Variants in PPP1R13B observed in about 807,000 individuals in gnomAD.
PPP1R13B encodes the protein apoptosis-stimulating of p53 protein 1.
A neutral mutation model predicts 119.8 loss-of-function variants in PPP1R13B; 44 were observed. The ratio of observed to expected loss-of-function variants is 0.37; its 90% CI spans 0.29 to 0.47. The LOEUF (loss-of-function observed/expected upper bound fraction) is 0.47. PPP1R13B is among the 20% of genes least tolerant of loss of function. The pLI, the probability that PPP1R13B is intolerant of heterozygous loss-of-function variation, is 0.99. For synonymous variants in PPP1R13B, 542 were observed against 561.5 expected, an observed-to-expected ratio of 0.97 and a Z score of 0.49; for missense variants, 1,227 against 1,413.5, an observed-to-expected ratio of 0.87 and a Z score of 2.12.
At chr14:103,792,469 C>G (rs574489331) in intron 2 of PPP1R13B, among the ~76,000 whole-genome samples, 1 of 152,238 alleles carries the variant, frequency 6.6e-6, no homozygotes, top group Non-Finnish European at 1.5e-5. Flanking sequence ...GCTACTGCAC[C>G]TGGCAAAATT....
chr14:103,826,439 G>A (rs2152073417), intron 1 of PPP1R13B, among the ~76,000 whole-genome samples: 1 of 152,170 alleles, frequency 6.6e-6, no homozygotes, highest in East Asian at 1.9e-4. Flanking sequence ...ACATAAAGAG[G>A]TCTACTCAGG....
chr14:103,829,199 A>G (rs2086614697), intron 1 of PPP1R13B, among the ~76,000 whole-genome samples: 1 of 152,160 alleles, frequency 6.6e-6, no homozygotes, highest in Admixed American at 6.6e-5. Flanking sequence ...ATAAATCTAA[A>G]TCCTTTATTT....
At chr14:103,762,298 A>G (rs1477785116) in intron 4 of PPP1R13B, among the ~76,000 whole-genome samples, 1 of 152,204 alleles carries the variant, frequency 6.6e-6, no homozygotes, top group Non-Finnish European at 1.5e-5. Flanking sequence ...GTTAATAGAA[A>G]AGACTAGTGG....
intron 9 of PPP1R13B, among the ~76,000 whole-genome samples, chr14:103,744,916 T>TG (rs1342052171): frequency 6.6e-6 from 1 of 152,160 alleles, no homozygotes; most frequent in Non-Finnish European, 1.5e-5. Context: ...TGCAACCCCT[T>TG]GAGGCAGCAC....
chr14:103,809,744 G>T (rs2086102145), intron 1 of PPP1R13B, among the ~76,000 whole-genome samples: 1 of 151,846 alleles, frequency 6.6e-6, no homozygotes. Flanking sequence ...GATCACTTGA[G>T]CCCAGGAGGT....
At chr14:103,746,855 T>C in intron 8 of PPP1R13B, 1 of 211,996 alleles carries the variant, frequency 4.7e-6, no homozygotes, top group Non-Finnish European at 9.3e-6. Flanking sequence ...AGGATACTCT[T>C]CCTCCCTTGA....
intron 4 of PPP1R13B, among the ~76,000 whole-genome samples, chr14:103,767,346 T>C (rs1416664259): frequency 6.6e-6 from 1 of 151,988 alleles, no homozygotes; most frequent in Non-Finnish European, 1.5e-5. Flanking sequence ...TGAAAATCTA[T>C]AAATTACCAT....
chr14:103,744,708 T>G (rs936955660), intron 9 of PPP1R13B, among the ~76,000 whole-genome samples: 10 of 152,226 alleles, frequency 6.6e-5, no homozygotes, highest in African/African-American at 2.4e-4. Context: ...CTGGGTTTAC[T>G]GTGGCCATCT....
intron 1 of PPP1R13B, among the ~76,000 whole-genome samples, chr14:103,829,579 A>G (rs1189088761): frequency 6.6e-6 from 1 of 152,068 alleles, no homozygotes; most frequent in African/African-American, 2.4e-5. Context: ...TTTAAAGATA[A>G]TAAATATTTT....
Position 103,752,988 on chromosome 14 carries a change from C to T in PPP1R13B, c.828+12G>A, listed in dbSNP as rs2084587601. 1.2e-6 allele frequency: 2 copies of T among 1,611,566 alleles called. No individual in the cohort carries two copies. The highest frequency in any genetic ancestry group is 1.3e-5 in the African/African-American group (1 of 74,814). On this transcript the variant is annotated intron_variant, in intron 7 of 16. Transcript: ENST00000202556. ...ATGTTTTAATACAACCATTGCCAGA[C>T]CCAGGAGTTACCTGTAGTTCTTGGT...
chr14:103,816,860 T>C (rs2086294369), intron 1 of PPP1R13B, among the ~76,000 whole-genome samples: 1 of 152,160 alleles, frequency 6.6e-6, no homozygotes, highest in South Asian at 2.1e-4. Context: ...TTTTATATAA[T>C]GATGTATATC....
chr14:103,812,198 A>T (rs1004434286), intron 1 of PPP1R13B, among the ~76,000 whole-genome samples: 2 of 142,466 alleles, frequency 1.4e-5, no homozygotes, highest in African/African-American at 5.3e-5. Context: ...ATCTCAGCTC[A>T]CTGTGACCTC....
intron 2 of PPP1R13B, among the ~76,000 whole-genome samples, chr14:103,797,021 T>C (rs1013583672): frequency 2.7e-5 from 3 of 111,364 alleles, no homozygotes; most frequent in South Asian, 5.2e-4. Context: ...TTATTCATAA[T>C]AGCCAAAAAA....
rs1406440780 is a variant in PPP1R13B, at chr14:103,784,794, C to T, written c.277+1G>A. On this transcript the variant is annotated splice_donor_variant, in intron 3 of 16. Transcript: ENST00000202556. LOFTEE classifies it high-confidence loss of function. ...AAATGAGGAAGAAAGCAGTTATCTACCTTGTTCACTGTTCTCAGTTGGGGA... is the reference window on the plus strand; with the variant it reads ...AAATGAGGAAGAAAGCAGTTATCTATCTTGTTCACTGTTCTCAGTTGGGGA... 1 of 1,592,040 alleles carries T rather than the reference C, an allele frequency of 6.3e-7. No individual in the cohort carries two copies. Among genetic ancestry groups the T allele is most frequent in the Non-Finnish European group, 8.6e-7 (1 of 1,163,754 alleles).
chr14:103,746,328 C>T (rs749767643), intron 9 of PPP1R13B, 45 bp downstream of exon 9: 1 of 845,724 alleles, frequency 1.2e-6, no homozygotes, highest in South Asian at 2.9e-5. Context: ...GGCCCCATTC[C>T]CTGCTCACAA....
At chr14:103,744,313 A>C (rs551409240) in intron 9 of PPP1R13B, among the ~76,000 whole-genome samples, 1 of 152,342 alleles carries the variant, frequency 6.6e-6, no homozygotes, top group Non-Finnish European at 1.5e-5. Flanking sequence ...CCTCATAATA[A>C]ACTCAGAAAT....
At chr14:103,840,354 A>C (rs1181172389) in intron 1 of PPP1R13B, among the ~76,000 whole-genome samples, 1 of 152,258 alleles carries the variant, frequency 6.6e-6, no homozygotes, top group Non-Finnish European at 1.5e-5. Context: ...TGATATTTTA[A>C]GTTCTTATTT....
chr14:103,748,898 A>G (rs952342198), intron 8 of PPP1R13B, among the ~76,000 whole-genome samples: 2 of 152,204 alleles, frequency 1.3e-5, no homozygotes, highest in African/African-American at 4.8e-5. Flanking sequence ...AGAAAAAGAC[A>G]AGGTGAGCAG....
intron 7 of PPP1R13B, among the ~76,000 whole-genome samples, chr14:103,750,514 A>G (rs549236893): frequency 1.3e-5 from 2 of 152,360 alleles, no homozygotes; most frequent in African/African-American, 4.8e-5. Flanking sequence ...TATACTCAAC[A>G]GGACGTAAAA....
Sources: gnomAD v4.1 joint callset for allele counts (sites outside exome capture counted in the v4.1 genomes callset) on GRCh38, gnomAD v4.1.1 for gene constraint, MANE v1.5 for transcripts, NCBI Gene and HGNC (gene_info 2026-07-23, HGNC 2026-07-21) for gene names.